ATG4B: variants seen among roughly 807,000 people sequenced by gnomAD.
ATG4B encodes cysteine protease ATG4B.
ATG4B carries 29 observed loss-of-function variants against 56.6 expected under a neutral mutation model. That is an observed-to-expected ratio of 0.51 (90% CI 0.38 to 0.70). The LOEUF (loss-of-function observed/expected upper bound fraction) is 0.70, where lower values mean the gene tolerates loss of function less well. Ranked by LOEUF, ATG4B falls within the 30% of genes least tolerant of loss-of-function variation. The pLI is 0.00. For synonymous variants in ATG4B, 224 were observed against 206.1 expected (o/e 1.09, Z -0.74); for missense variants, 461 against 515.5 (o/e 0.89, Z 1.02).
rs1243554456 is a variant in ATG4B, at chr2:241,643,333, T to C, written c.10+5609T>C. ...GATCTTCTTGCCTCACATTCCTCAG[T>C]AGCTAAGACTACAGATGTCCACGCC... is the stretch of plus-strand genomic sequence containing the variant. On this transcript the variant is annotated intron_variant, in intron 1 of 12. Transcript: ENST00000404914. 2.0e-5 allele frequency among the ~76,000 whole-genome samples: 3 copies of C among 150,370 alleles called. 1 individual carries two copies. The highest frequency in any genetic ancestry group is 7.3e-5 in the African/African-American group (3 of 40,864).
chr2:241,670,678 G>A (rs368205627), intron 10 of ATG4B, 48 bp from the exon 11 acceptor site: 435 of 1,550,612 alleles, frequency 2.8e-4, no homozygotes, highest in Middle Eastern at 2.5e-3. Flanking sequence ...CCTCTTAGCC[G>A]ACTGCAGATG....
At chr2:241,654,445 T>G in intron 4 of ATG4B, 101 bp from the exon 5 acceptor site, 1 of 693,428 alleles carries the variant, frequency 1.4e-6, no homozygotes, top group Non-Finnish European at 2.4e-6. Context: ...AAAAAAAAGA[T>G]TCTGAAAAAG....
chr2:241,657,304 T>A (rs920912678), intron 6 of ATG4B, among the ~76,000 whole-genome samples: 6 of 141,300 alleles, frequency 4.2e-5, no homozygotes, highest in Admixed American at 1.5e-4. Context: ...TTTTTTTTTT[T>A]ATTTTTTTTC....
At chr2:241,657,117 A>G (rs1311509330) in intron 6 of ATG4B, among the ~76,000 whole-genome samples, 1 of 150,738 alleles carries the variant, frequency 6.6e-6, no homozygotes, top group East Asian at 2.0e-4. Context: ...CTGGAATTAC[A>G]GGCACCCGCC....
At chr2:241,646,266 G>C (rs1395344139) in intron 1 of ATG4B, among the ~76,000 whole-genome samples, 1 of 152,150 alleles carries the variant, frequency 6.6e-6, no homozygotes, top group Non-Finnish European at 1.5e-5. Context: ...TCGTGACCCT[G>C]CTTTCAGAGG....
intron 4 of ATG4B, among the ~76,000 whole-genome samples, chr2:241,653,923 G>A (rs560830032): frequency 6.7e-6 from 1 of 150,372 alleles, no homozygotes; most frequent in Non-Finnish European, 1.5e-5. Context: ...CCCAGGAGAT[G>A]GAGGCTGCAG....
chr2:241,666,006 C>T (rs996328350), intron 7 of ATG4B, among the ~76,000 whole-genome samples: 6 of 152,190 alleles, frequency 3.9e-5, no homozygotes, highest in African/African-American at 1.4e-4. Context: ...CGTGTTCTGG[C>T]GTTTTTCGTT....
intron 10 of ATG4B, chr2:241,670,464 A>G (rs1257762772): frequency 1.1e-5 from 6 of 561,908 alleles, no homozygotes; most frequent in Non-Finnish European, 1.9e-5. Flanking sequence ...TGAGAGATGC[A>G]CACCACGTAA....
chr2:241,673,317 G>A lies in ATG4B; in HGVS notation c.*1053G>A. 1 of 349,136 alleles carries A rather than the reference G, an allele frequency of 2.9e-6. No homozygotes were observed. Among genetic ancestry groups the A allele is most frequent in the Non-Finnish European group, 5.7e-6 (1 of 175,358 alleles). The allele number at this position is 349,136 out of a possible 1,614,324, so 21.6% of individuals were successfully genotyped here. A position where few individuals can be genotyped will look rare whatever the true frequency, so the allele number is the denominator to read the frequency against. On this transcript the variant is annotated 3_prime_UTR_variant, in exon 13 of 13. Transcript: ENST00000404914. The stretch of plus-strand genomic sequence containing the variant: ...TGACCCTGTGTAACCTGCTGTCCCG[G>A]GTCCCAGAGTGCACTCTGCCCCGCT...
chr2:241,666,592 G>A, intron 7 of ATG4B, 53 bp from the exon 8 acceptor site: 1 of 1,576,704 alleles, frequency 6.3e-7, no homozygotes, highest in South Asian at 1.1e-5. Context: ...CTTGTTGTGG[G>A]AGCACTTTTG....
At chr2:241,671,082 C>T (rs1338128995) in intron 11 of ATG4B, among the ~76,000 whole-genome samples, 7 of 152,320 alleles carry the variant, frequency 4.6e-5, no homozygotes, top group Middle Eastern at 3.4e-3. Flanking sequence ...TGAGCTACGC[C>T]GGCCGAGTGC....
intron 5 of ATG4B, 35 bp downstream of exon 5, chr2:241,654,682 G>A (rs1324513908): frequency 6.5e-7 from 1 of 1,537,800 alleles, no homozygotes; most frequent in African/African-American, 1.4e-5. Flanking sequence ...GCCCCACCCG[G>A]GCTGTCTGGA....
chr2:241,657,821 T>C (rs778273971), intron 6 of ATG4B, among the ~76,000 whole-genome samples: 37 of 152,196 alleles, frequency 2.4e-4, no homozygotes, highest in Admixed American at 2.0e-4. Context: ...TAAAACATAT[T>C]GGCCACTGCT....
At position 241,671,383 on chromosome 2, in the gene ATG4B, C is replaced by T. The variant is rs757254219; in HGVS notation, c.1086C>T (p.Pro362=). ...TGCAGCCTTCACATCTGGCCTGCCC[C>T]GACGTCCTGAACCTGTCCCTAGGTG... ...VELQPSHLAC[P]DVLNLSLDSS... Residue 362 remains proline (P), a synonymous_variant, in exon 12 of 13, where the codon CCC becomes CCT. Transcript: ENST00000404914. The T allele has an allele frequency of 1.2e-5, 19 of 1,613,646 alleles. No individual in the cohort carries two copies. Among genetic ancestry groups the T allele is most frequent in the African/African-American group, 2.7e-5 (2 of 74,998 alleles).
At chr2:241,658,189 G>A (rs1259559838) in intron 6 of ATG4B, among the ~76,000 whole-genome samples, 1 of 152,182 alleles carries the variant, frequency 6.6e-6, no homozygotes, top group Non-Finnish European at 1.5e-5. Flanking sequence ...GTGCGTCTTC[G>A]GCACTGCATC....
chr2:241,666,344 C>T (rs1290601313), intron 7 of ATG4B, among the ~76,000 whole-genome samples: 1 of 152,224 alleles, frequency 6.6e-6, no homozygotes, highest in African/African-American at 2.4e-5. Flanking sequence ...TGCGTGGGTA[C>T]TTCTGTGATT....
rs752760590 is a variant in ATG4B, at chr2:241,655,235, G to A, written c.386-36G>A. The A allele has an allele frequency of 9.5e-6, 15 of 1,586,742 alleles. No homozygotes were observed. In the East Asian group the frequency reaches 2.3e-4, roughly 24 times the overall value. ...GCCACCAGAGGTCAGGGCTGGGGGC[G>A]GGTGTGTGTTGCTAATGTGTATCTG... On this transcript the variant is annotated intron_variant, in intron 5 of 12. Transcript: ENST00000404914.
intron 1 of ATG4B, among the ~76,000 whole-genome samples, chr2:241,642,696 G>GT (rs2067929714): frequency 6.6e-6 from 1 of 151,120 alleles, no homozygotes; most frequent in African/African-American, 2.4e-5. Flanking sequence ...TAAGTCACAT[G>GT]TTTTTTCTGA....
At chr2:241,659,344 G>C in intron 7 of ATG4B, 157 bp downstream of exon 7, 1 of 720,788 alleles carries the variant, frequency 1.4e-6, no homozygotes, top group African/African-American at 1.7e-5. Context: ...CCAGATGCAC[G>C]GTGGCCTCGC....
Sources: allele counts gnomAD v4.1 joint callset (sites outside exome capture counted in the v4.1 genomes callset), GRCh38; gene constraint gnomAD v4.1.1; transcripts MANE v1.5; gene names NCBI Gene and HGNC (gene_info 2026-07-23, HGNC 2026-07-21).